SHQ1: variants seen among roughly 807,000 people sequenced by gnomAD.
SHQ1 encodes the protein SHQ1, H/ACA ribonucleoprotein assembly factor.
A neutral mutation model predicts 53.8 loss-of-function variants in SHQ1; 49 were observed. That is an observed-to-expected ratio of 0.91 (90% confidence interval 0.72 to 1.16). SHQ1 has a LOEUF of 1.16. Ranked by LOEUF, SHQ1 falls within the 50% of genes most tolerant of loss-of-function variation. The pLI is 0.00. For synonymous variants in SHQ1, 243 were observed against 251.0 expected (o/e 0.97, Z 0.30); for missense variants, 738 against 683.1 (o/e 1.08, Z -0.90).
chr3:72,791,995 T>C (rs1575696346), intron 10 of SHQ1, among the ~76,000 whole-genome samples: 1 of 152,254 alleles, frequency 6.6e-6, no homozygotes. Flanking sequence ...GTTTCTTTGA[T>C]TGACGCAATG....
At chr3:72,758,945 T>G (rs1705557189) in intron 10 of SHQ1, among the ~76,000 whole-genome samples, 1 of 152,170 alleles carries the variant, frequency 6.6e-6, no homozygotes, top group Non-Finnish European at 1.5e-5. Flanking sequence ...TCCATGCCCT[T>G]CTCTTAGCTT....
chr3:72,842,310 TG>T lies in SHQ1; in HGVS notation c.300del (p.Arg101GlyfsTer10). 2 of 1,613,868 alleles carry T rather than the reference TG, an allele frequency of 1.2e-6. No homozygotes were observed. The highest frequency in any genetic ancestry group is 2.2e-5 in the South Asian group (2 of 91,070). On this transcript the variant is annotated frameshift_variant, in exon 3 of 11. Coordinates refer to ENST00000325599, the MANE Select transcript of SHQ1 (RefSeq NM_018130.3). LOFTEE classifies it high-confidence loss of function. ...TCTTCCACAAGTGGTTTTGCTGTCC[TG>T]GATTTTCTTGGTGCCAGAAGAGCAG... Reference protein sequence around the residue: ...MLTALLAPRKSRTAKPLVEEI... With the variant: ...MLTALLAPRKXRTAKPLVEEI...
At chr3:72,739,663 T>C in the SHQ1 span, among the ~76,000 whole-genome samples, 3 of 152,066 alleles carry the variant, frequency 2.0e-5, no homozygotes, top group Admixed American at 6.5e-5. Context: ...AGAGGCACAC[T>C]CAGAGAGTAG....
At chr3:72,754,398 T>TC (rs1293993818) in intron 10 of SHQ1, among the ~76,000 whole-genome samples, 2 of 151,124 alleles carry the variant, frequency 1.3e-5, no homozygotes, top group African/African-American at 4.9e-5. Context: ...TTTTTTTTTT[T>TC]GAGATGGATT....
intron 4 of SHQ1, among the ~76,000 whole-genome samples, chr3:72,840,156 G>C (rs1708126642): frequency 6.7e-6 from 1 of 148,930 alleles, no homozygotes; most frequent in African/African-American, 2.5e-5. Flanking sequence ...GGAGGCTGAG[G>C]CAGGACAATC....
the SHQ1 span, among the ~76,000 whole-genome samples, chr3:72,737,674 G>A: frequency 1.3e-5 from 2 of 152,204 alleles, no homozygotes; most frequent in Non-Finnish European, 2.9e-5. Context: ...CAATGTAAGT[G>A]CTATGGAAAT....
At chr3:72,794,804 T>G (rs1236982877) in intron 9 of SHQ1, 2 of 152,258 alleles carry the variant, frequency 1.3e-5, no homozygotes, top group Non-Finnish European at 2.9e-5. Flanking sequence ...TTCGGGAAGT[T>G]CTGGGCTGAC....
the SHQ1 span, among the ~76,000 whole-genome samples, chr3:72,729,905 C>A: frequency 4.6e-5 from 7 of 151,884 alleles, no homozygotes; most frequent in Non-Finnish European, 7.4e-5. Flanking sequence ...GCAGGCTCTG[C>A]CCCCCGGGGT....
At chr3:72,800,269 T>A (rs996363863) in intron 9 of SHQ1, among the ~76,000 whole-genome samples, 2 of 152,202 alleles carry the variant, frequency 1.3e-5, no homozygotes, top group African/African-American at 4.8e-5. Context: ...TAATTTATGT[T>A]CTTTATAAAC....
chr3:72,829,724 A>C (rs1707769933), intron 5 of SHQ1, among the ~76,000 whole-genome samples: 1 of 152,236 alleles, frequency 6.6e-6, no homozygotes, highest in South Asian at 2.1e-4. Flanking sequence ...ATCACAATTT[A>C]AAATGGTACA....
chr3:72,782,544 T>C (rs968710927), intron 10 of SHQ1, among the ~76,000 whole-genome samples: 1 of 152,218 alleles, frequency 6.6e-6, no homozygotes, highest in Admixed American at 6.5e-5. Context: ...ACAAGTCAAA[T>C]GATCACAATC....
chr3:72,813,237 C>T (rs1046478011), intron 8 of SHQ1, among the ~76,000 whole-genome samples: 8 of 152,068 alleles, frequency 5.3e-5, no homozygotes, highest in Non-Finnish European at 8.8e-5. Context: ...GGACTCCAGG[C>T]GGGTGGATCA....
the SHQ1 span, among the ~76,000 whole-genome samples, chr3:72,743,773 A>G: frequency 6.6e-6 from 1 of 152,248 alleles, no homozygotes; most frequent in Admixed American, 6.5e-5. Context: ...CAGATACTTA[A>G]GTCTGTGCTC....
chr3:72,750,588 T>C lies in SHQ1; in HGVS notation c.1430A>G (p.Gln477Arg). The change falls in exon 11 of 11, where the codon CAA becomes CGA. Residue 477 changes from glutamine to arginine, a missense_variant. Coordinates refer to ENST00000325599, the MANE Select transcript of SHQ1 (RefSeq NM_018130.3). ...GNEDSGSDSE[Q>R]DELKDSPSET... ...AGATGGACTATCTTTGAGTTCATCT[T>C]GTTCTGAATCTGAGCCTGAGTCTTC... The C allele has an allele frequency of 1.2e-6, 2 of 1,614,228 alleles. No homozygotes were observed. The highest frequency in any genetic ancestry group is 1.7e-6 in the Non-Finnish European group (2 of 1,180,044).
chr3:72,759,804 C>G (rs1172255875), intron 10 of SHQ1, among the ~76,000 whole-genome samples: 1 of 152,166 alleles, frequency 6.6e-6, no homozygotes, highest in African/African-American at 2.4e-5. Flanking sequence ...AAAACTGCAA[C>G]CATGTACTAA....
At chr3:72,772,422 G>C in intron 10 of SHQ1, 1 of 384,086 alleles carries the variant, frequency 2.6e-6, no homozygotes, top group Non-Finnish European at 5.0e-6. Flanking sequence ...AAGAACTTCT[G>C]AGGAGACCAG....
At chr3:72,735,725 G>A in the SHQ1 span, among the ~76,000 whole-genome samples, 16 of 101,320 alleles carry the variant, frequency 1.6e-4, no homozygotes, top group African/African-American at 5.4e-4. Flanking sequence ...AGGAAGGAAG[G>A]AAGGAAGGAA....
At chr3:72,748,329 C>CAAAAAAAAAA (rs572927520), downstream of SHQ1, among the ~76,000 whole-genome samples, 8 of 58,790 alleles carry the variant, frequency 1.4e-4, no homozygotes, top group Middle Eastern at 0.019. Flanking sequence ...ATGAGGCATG[C>CAAAAAAAAAA]AAAAAAAAAA....
intron 10 of SHQ1, among the ~76,000 whole-genome samples, chr3:72,764,277 G>C (rs1705670512): frequency 1.3e-5 from 2 of 152,060 alleles, no homozygotes; most frequent in African/African-American, 4.8e-5. Context: ...AGAACTCCTA[G>C]GCTCAAGCGA....
Sources: allele counts gnomAD v4.1 joint callset (sites outside exome capture counted in the v4.1 genomes callset), GRCh38; gene constraint gnomAD v4.1.1; transcripts MANE v1.5; gene names NCBI Gene and HGNC (gene_info 2026-07-23, HGNC 2026-07-21).